The following CPA6 variants were observed in gnomAD, a reference collection of about 807,000 sequenced individuals.
The protein encoded by CPA6 is carboxypeptidase B.
Under a neutral mutation model 63.3 loss-of-function variants are expected in CPA6, and 58 were observed. That is an observed-to-expected ratio of 0.92 (90% CI 0.74 to 1.14). CPA6 has a LOEUF of 1.14. Ranked by LOEUF, CPA6 falls within the 50% of genes most tolerant of loss-of-function variation. The pLI, the probability that CPA6 is intolerant of heterozygous loss-of-function variation, is 0.00. For synonymous variants in CPA6, 185 were observed against 179.0 expected (o/e 1.03, Z -0.27); for missense variants, 565 against 526.6 (o/e 1.07, Z -0.71).
intron 8 of CPA6, among the ~76,000 whole-genome samples, chr8:67,473,903 G>T (rs1285748763): frequency 6.6e-6 from 1 of 151,938 alleles, no homozygotes; most frequent in South Asian, 2.1e-4. Context: ...CACCATGACT[G>T]GTAGCAGAGG....
chr8:67,698,995 A>G (rs538074717), intron 1 of CPA6, among the ~76,000 whole-genome samples: 1 of 152,326 alleles, frequency 6.6e-6, no homozygotes, highest in Non-Finnish European at 1.5e-5. Flanking sequence ...AGTGCAATCC[A>G]CTACATAGTT....
intron 1 of CPA6, among the ~76,000 whole-genome samples, chr8:67,656,343 T>A (rs866734024): frequency 2.0e-5 from 3 of 152,132 alleles, no homozygotes; most frequent in Non-Finnish European, 4.4e-5. Flanking sequence ...TTGAGACATC[T>A]CTTTTTCCAG....
intron 2 of CPA6, among the ~76,000 whole-genome samples, chr8:67,519,810 G>T (rs1281903489): frequency 6.6e-6 from 1 of 152,148 alleles, no homozygotes; most frequent in Non-Finnish European, 1.5e-5. Context: ...ACATCTTTTA[G>T]GTCTCCAAAT....
At chr8:67,446,127 G>T (rs1168810178) in intron 8 of CPA6, among the ~76,000 whole-genome samples, 1 of 151,992 alleles carries the variant, frequency 6.6e-6, no homozygotes, top group African/African-American at 2.4e-5. Flanking sequence ...TTAGCCGGGC[G>T]TGGTGGCAGG....
chr8:67,625,840 T>C (rs545725188), intron 1 of CPA6, among the ~76,000 whole-genome samples: 1 of 152,284 alleles, frequency 6.6e-6, no homozygotes, highest in South Asian at 2.1e-4. Flanking sequence ...ATTTGCATGA[T>C]TTTCTGTCAT....
At chr8:67,536,286 A>G (rs993442707) in intron 2 of CPA6, among the ~76,000 whole-genome samples, 2 of 152,108 alleles carry the variant, frequency 1.3e-5, no homozygotes, top group Non-Finnish European at 2.9e-5. Context: ...TTACTTCTGG[A>G]AGTATGGCTA....
chr8:67,476,914 C>T (rs1371168341), intron 8 of CPA6, among the ~76,000 whole-genome samples: 3 of 152,134 alleles, frequency 2.0e-5, no homozygotes, highest in Admixed American at 2.0e-4. Context: ...AAGTGCCAGC[C>T]ATGTATCAAC....
At chr8:67,447,183 A>AT (rs1452176030) in intron 8 of CPA6, among the ~76,000 whole-genome samples, 4 of 151,466 alleles carry the variant, frequency 2.6e-5, no homozygotes, top group Non-Finnish European at 5.9e-5. Flanking sequence ...TAATCGTACA[A>AT]TTTTTTTTGC....
At chr8:67,685,573 G>A (rs992472504) in intron 1 of CPA6, among the ~76,000 whole-genome samples, 3 of 152,130 alleles carry the variant, frequency 2.0e-5, no homozygotes, top group Non-Finnish European at 4.4e-5. Flanking sequence ...GAGCCGAGAT[G>A]GCGCCACTGC....
chr8:67,583,669 G>A (rs1338772100), intron 2 of CPA6, among the ~76,000 whole-genome samples: 1 of 152,184 alleles, frequency 6.6e-6, no homozygotes, highest in African/African-American at 2.4e-5. Context: ...TTGTGGGGAT[G>A]AAACAGGAAT....
chr8:67,477,661 T>C (rs2128960408), intron 8 of CPA6, among the ~76,000 whole-genome samples: 1 of 152,346 alleles, frequency 6.6e-6, no homozygotes, highest in South Asian at 2.1e-4. Context: ...CTTAAGGGCC[T>C]AGTTTGACCA....
At chr8:67,593,387 G>C (rs1185583479) in intron 2 of CPA6, among the ~76,000 whole-genome samples, 1 of 152,218 alleles carries the variant, frequency 6.6e-6, no homozygotes, top group East Asian at 1.9e-4. Context: ...GAGTTCTGTA[G>C]ATGTCTATTA....
chr8:67,450,105 C>G (rs1006760593), intron 8 of CPA6, among the ~76,000 whole-genome samples: 2 of 150,218 alleles, frequency 1.3e-5, no homozygotes, highest in African/African-American at 2.5e-5. Flanking sequence ...CATGAGCCAC[C>G]GCGCCTGGCC....
At position 67,430,135 on chromosome 8, in the gene CPA6, G is replaced by A. The variant is rs964887527; in HGVS notation, c.1042-2004C>T. ...CTAAGTAAATGGTATATATATATGT[G>A]TGTGTGTGTGTGTGTGTGTGTGTGT... On this transcript the variant is annotated intron_variant, in intron 9 of 10. Transcript: ENST00000297770. Among the ~76,000 whole-genome samples the A allele has an allele frequency of 7.5e-4, 51 of 67,688 alleles. No individual in the cohort carries two copies. In the African/African-American group the frequency reaches 8.2e-3, roughly 11 times the overall value. 44.4% of individuals were successfully genotyped at this position (67,688 alleles called of 152,430 possible).
intron 6 of CPA6, among the ~76,000 whole-genome samples, chr8:67,496,063 C>G (rs751727581): frequency 5.3e-5 from 8 of 152,166 alleles, no homozygotes; most frequent in Non-Finnish European, 1.0e-4. Context: ...TGATCAAATT[C>G]CAACTTCTCA....
rs550091048 is a variant in CPA6 at position 67,489,705 on chromosome 8, G to T, written c.637-4916C>A. Among the ~76,000 whole-genome samples the T allele has an allele frequency of 1.8e-4, 28 of 152,072 alleles. No individual in the cohort carries two copies. In the South Asian group the frequency reaches 3.3e-3, roughly 18 times the overall value. ...ATACTATATGTGTTCATTGGATTAT[G>T]TTATTATTGTTTGTATTACCTATAT... On this transcript the variant is annotated intron_variant, in intron 6 of 10. Coordinates refer to ENST00000297770, the MANE Select transcript of CPA6 (RefSeq NM_020361.5).
chr8:67,496,519 TTATATATATATATATATA>T (rs1163959938), intron 6 of CPA6, among the ~76,000 whole-genome samples: 22 of 94,124 alleles, frequency 2.3e-4, no homozygotes, highest in Admixed American at 1.1e-3. Context: ...ACTATATAGT[TTATATATATATATATATA>T]TATATATATA....
intron 1 of CPA6, among the ~76,000 whole-genome samples, chr8:67,627,156 A>G (rs1815210956): frequency 6.6e-6 from 1 of 152,190 alleles, no homozygotes; most frequent in Admixed American, 6.5e-5. Flanking sequence ...TCTTTTGTGA[A>G]CCAGTAAATT....
chr8:67,741,907 C>T (rs1434713529), intron 1 of CPA6, among the ~76,000 whole-genome samples: 1 of 152,156 alleles, frequency 6.6e-6, no homozygotes, highest in Non-Finnish European at 1.5e-5. Flanking sequence ...GAAAAATTGT[C>T]TTCCACAAAA....
Sources: allele counts gnomAD v4.1 joint callset (sites outside exome capture counted in the v4.1 genomes callset), GRCh38; gene constraint gnomAD v4.1.1; transcripts MANE v1.5; gene names NCBI Gene and HGNC (gene_info 2026-07-23, HGNC 2026-07-21).